KCNU1: variants seen among roughly 807,000 people sequenced by gnomAD.
KCNU1 encodes the protein potassium calcium-activated channel subfamily U member 1, also known as potassium channel subfamily U member 1.
In KCNU1, 93 loss-of-function variants were observed where a neutral mutation model predicts 126.8. That is an observed-to-expected ratio of 0.73 (90% confidence interval 0.62 to 0.87). The LOEUF is 0.87. Among genes scored for constraint, KCNU1 ranks in the 40% least tolerant of loss-of-function variants. The pLI, the probability that KCNU1 is intolerant of heterozygous loss-of-function variation, is 0.00. For synonymous variants in KCNU1, 523 were observed against 494.2 expected (o/e 1.06, Z -0.77); for missense variants, 1,330 against 1,367.1 (o/e 0.97, Z 0.43).
At chr8:36,820,440 A>G (rs1377328608) in intron 10 of KCNU1, among the ~76,000 whole-genome samples, 7 of 152,094 alleles carry the variant, frequency 4.6e-5, no homozygotes, top group East Asian at 1.9e-4. Flanking sequence ...AGGGTGATGG[A>G]GGAAGAACAG....
At chr8:36,907,212 C>T (rs1172327044) in intron 20 of KCNU1, among the ~76,000 whole-genome samples, 1 of 152,062 alleles carries the variant, frequency 6.6e-6, no homozygotes, top group African/African-American at 2.4e-5. Flanking sequence ...AACTTGGTTT[C>T]ATTTGCAAAA....
intron 19 of KCNU1, among the ~76,000 whole-genome samples, chr8:36,884,666 G>C (rs1212580914): frequency 6.6e-6 from 1 of 152,056 alleles, no homozygotes; most frequent in South Asian, 2.1e-4. Context: ...AACCCAGGAG[G>C]TGGAGGTTGC....
intron 10 of KCNU1, among the ~76,000 whole-genome samples, chr8:36,831,027 C>T (rs967084699): frequency 2.9e-4 from 44 of 150,702 alleles, no homozygotes; most frequent in African/African-American, 1.1e-3. Context: ...TTTGTTCTTG[C>T]GATAGTTTAC....
intron 19 of KCNU1, among the ~76,000 whole-genome samples, chr8:36,882,108 G>T (rs1806508516): frequency 6.6e-6 from 1 of 152,106 alleles, no homozygotes; most frequent in African/African-American, 2.4e-5. Flanking sequence ...CACACCTCTT[G>T]ACTCCCTTGT....
At chr8:36,847,706 T>C (rs1805201287) in intron 18 of KCNU1, among the ~76,000 whole-genome samples, 1 of 152,232 alleles carries the variant, frequency 6.6e-6, no homozygotes, top group South Asian at 2.1e-4. Flanking sequence ...ATTTTCTTCA[T>C]CTATTTATCT....
In KCNU1 at chr8:36,832,878, G is replaced by C. The variant is rs77708215; in HGVS notation, c.1107-676G>C. On this transcript the variant is annotated intron_variant, in intron 10 of 26. Transcript: ENST00000399881. ...TTTAATATTTTCAACATATTTCTAA[G>C]AATAATGATAAAGAATTGTTGCAAT... Among the ~76,000 whole-genome samples, 383 of 152,070 alleles carry C rather than the reference G, an allele frequency of 2.5e-3. 3 individuals are homozygous for C. The highest frequency in any genetic ancestry group is 8.9e-3 in the African/African-American group (368 of 41,502).
intron 2 of KCNU1, among the ~76,000 whole-genome samples, chr8:36,798,968 T>C (rs766150400): frequency 1.6e-4 from 24 of 152,188 alleles, no homozygotes; most frequent in Non-Finnish European, 3.2e-4. Flanking sequence ...TCGTCGACAG[T>C]CTGAATCCCA....
chr8:36,876,739 A>G (rs1806291271), intron 19 of KCNU1, among the ~76,000 whole-genome samples: 1 of 152,176 alleles, frequency 6.6e-6, no homozygotes, highest in Admixed American at 6.5e-5. Context: ...AAGAAATAAG[A>G]GTAGAGAAGA....
At chr8:36,843,596 C>T (rs531365846) in intron 16 of KCNU1, among the ~76,000 whole-genome samples, 131 of 152,314 alleles carry the variant, frequency 8.6e-4, no homozygotes, top group Non-Finnish European at 1.3e-3. Flanking sequence ...GGTCCTCTGG[C>T]TCCAGGGCTG....
intron 2 of KCNU1, 57 bp from the exon 3 acceptor site, chr8:36,803,970 A>G: frequency 8.4e-7 from 1 of 1,186,952 alleles, no homozygotes. Context: ...ACTTTTGTCG[A>G]TTTATTTAAT....
intron 24 of KCNU1, among the ~76,000 whole-genome samples, chr8:36,930,085 A>G (rs1808654192): frequency 6.6e-6 from 1 of 152,168 alleles, no homozygotes; most frequent in South Asian, 2.1e-4. Flanking sequence ...TATATAAAAT[A>G]GAAATTCTCA....
chr8:36,825,228 A>T (rs1295548315), intron 10 of KCNU1, among the ~76,000 whole-genome samples: 2 of 152,094 alleles, frequency 1.3e-5, no homozygotes, highest in African/African-American at 4.8e-5. Flanking sequence ...CATTTTCCTC[A>T]TTACTAGTGA....
chr8:36,922,858 AC>A (rs1808408325), intron 24 of KCNU1: 1 of 583,122 alleles, frequency 1.7e-6, no homozygotes, highest in African/African-American at 1.9e-5. Context: ...TGCAGCCAGA[AC>A]CCCTGATGCC....
intron 19 of KCNU1, among the ~76,000 whole-genome samples, chr8:36,876,976 C>A (rs1010204192): frequency 2.6e-5 from 4 of 152,140 alleles, no homozygotes; most frequent in African/African-American, 9.7e-5. Flanking sequence ...GGAAGAGCAA[C>A]TGGATTCTGG....
intron 2 of KCNU1, among the ~76,000 whole-genome samples, chr8:36,790,883 C>G (rs552964908): frequency 7.9e-5 from 12 of 151,742 alleles, no homozygotes; most frequent in Middle Eastern, 3.4e-3. Flanking sequence ...CAAATAGCAA[C>G]TTTTTATATA....
In KCNU1 at chr8:36,923,023, GA is replaced by G. The variant is rs755219549; in HGVS notation, c.2736+396del. On this transcript the variant is annotated intron_variant, in intron 24 of 26. Transcript: ENST00000399881. ...GCCATAAAGGGATCCCAGTTTCAAG[GA>G]AGAAGCTCTGGCCTTTGCTGGTGAG... 6.5e-6 allele frequency: 3 copies of G among 459,656 alleles called. No individual in the cohort carries two copies. The Admixed American group carries it at 7.0e-5, about 11-fold the overall frequency. 28.5% of individuals were successfully genotyped at this position (459,656 alleles called of 1,614,324 possible). A position where few individuals can be genotyped will look rare whatever the true frequency, so the allele number is the denominator to read the frequency against.
chr8:36,825,030 T>C (rs183913056), intron 10 of KCNU1, among the ~76,000 whole-genome samples: 4 of 152,290 alleles, frequency 2.6e-5, no homozygotes, highest in Non-Finnish European at 5.9e-5. Flanking sequence ...AACTGTCAGT[T>C]GTCCGAAATG....
In KCNU1 at chr8:36,869,605, T is replaced by G. The variant is rs11995851; in HGVS notation, c.2009+5084T>G. 9.0e-3 allele frequency among the ~76,000 whole-genome samples: 1,370 copies of G among 152,244 alleles called. 18 individuals carry two copies. Among genetic ancestry groups the G allele is most frequent in the African/African-American group, 0.031 (1,306 of 41,548 alleles). ...TATTAGCCATGAGCAATAGCACCTA[T>G]GGCAGACATGAGCTCCAGATCGCCA... On this transcript the variant is annotated intron_variant, in intron 19 of 26. Coordinates refer to ENST00000399881, the MANE Select transcript of KCNU1 (RefSeq NM_001031836.3).
intron 19 of KCNU1, among the ~76,000 whole-genome samples, chr8:36,870,063 C>T (rs1806046258): frequency 6.6e-6 from 1 of 152,194 alleles, no homozygotes; most frequent in Non-Finnish European, 1.5e-5. Flanking sequence ...GCTTGCCATT[C>T]TCCCTCCAGA....
Sources: gnomAD v4.1 joint callset for allele counts (sites outside exome capture counted in the v4.1 genomes callset) on GRCh38, gnomAD v4.1.1 for gene constraint, MANE v1.5 for transcripts, NCBI Gene and HGNC (gene_info 2026-07-23, HGNC 2026-07-21) for gene names.